BACH2: variants seen among roughly 807,000 people sequenced by gnomAD.
BACH2 encodes the protein BACH transcriptional regulator 2.
A neutral mutation model predicts 61.8 loss-of-function variants in BACH2; 5 were observed. The observed-to-expected ratio is 0.08, with a 90% CI of 0.04 to 0.17. The LOEUF (loss-of-function observed/expected upper bound fraction) is 0.17, where lower values mean the gene tolerates loss of function less well. Among genes scored for constraint, BACH2 ranks in the 10% least tolerant of loss-of-function variants. BACH2 has a pLI of 1.00. For missense variants in BACH2, 824 were observed against 1,091.1 expected (o/e 0.76, Z 3.45); for synonymous variants, 446 against 440.1 (o/e 1.01, Z -0.17).
intron 4 of BACH2, among the ~76,000 whole-genome samples, chr6:90,129,577 C>T (rs765362809): frequency 6.6e-5 from 10 of 152,016 alleles, no homozygotes; most frequent in Non-Finnish European, 8.8e-5. Context: ...TTTCACAATA[C>T]TGATTCTTCC....
chr6:90,030,789 G>A (rs1364731455), intron 5 of BACH2, among the ~76,000 whole-genome samples: 3 of 151,894 alleles, frequency 2.0e-5, no homozygotes, highest in African/African-American at 7.3e-5. Flanking sequence ...GGAGGGGCTG[G>A]TACCATTCCT....
At chr6:89,943,621 T>C (rs769251335) in intron 7 of BACH2, among the ~76,000 whole-genome samples, 39 of 152,314 alleles carry the variant, frequency 2.6e-4, no homozygotes, top group Middle Eastern at 3.4e-3. Context: ...TGTATCTATC[T>C]CACCCAACAA....
chr6:89,986,044 A>G (rs1386108618), intron 6 of BACH2, among the ~76,000 whole-genome samples: 1 of 152,198 alleles, frequency 6.6e-6, no homozygotes, highest in East Asian at 1.9e-4. Context: ...TAAGCCTTGC[A>G]TCTGAGAAAG....
At chr6:90,061,719 G>A (rs1475503211) in intron 5 of BACH2, among the ~76,000 whole-genome samples, 2 of 152,146 alleles carry the variant, frequency 1.3e-5, no homozygotes, top group African/African-American at 2.4e-5. Flanking sequence ...AAAAATCCAC[G>A]AGAGGAGCTG....
At chr6:90,001,281 G>T (rs1200917264) in intron 6 of BACH2, 1 of 152,260 alleles carries the variant, frequency 6.6e-6, no homozygotes, top group African/African-American at 2.4e-5. Flanking sequence ...TTGAGAGATT[G>T]TTTGGAGCTT....
intron 6 of BACH2, among the ~76,000 whole-genome samples, chr6:89,982,224 A>C (rs1015373435): frequency 6.6e-6 from 1 of 152,192 alleles, no homozygotes; most frequent in Non-Finnish European, 1.5e-5. Flanking sequence ...AGAGTCTAAA[A>C]CAGTGGGCCT....
intron 4 of BACH2, among the ~76,000 whole-genome samples, chr6:90,143,149 T>C (rs1784516392): frequency 6.6e-6 from 1 of 152,214 alleles, no homozygotes; most frequent in East Asian, 1.9e-4. Flanking sequence ...GGGATAGGTC[T>C]GCTTTATGTG....
chr6:90,243,048 T>A (rs1317481213), intron 3 of BACH2, among the ~76,000 whole-genome samples: 2 of 131,274 alleles, frequency 1.5e-5, no homozygotes, highest in East Asian at 4.1e-4. Flanking sequence ...CCCGGCTAAT[T>A]TTTTTTTTTT....
At chr6:90,095,836 G>T (rs1439963199) in intron 4 of BACH2, among the ~76,000 whole-genome samples, 2 of 151,998 alleles carry the variant, frequency 1.3e-5, no homozygotes, top group African/African-American at 4.8e-5. Context: ...ATATCTATTT[G>T]CTAGGAACTG....
intron 2 of BACH2, among the ~76,000 whole-genome samples, chr6:90,255,489 T>C (rs188785426): frequency 3.8e-4 from 58 of 152,030 alleles, no homozygotes; most frequent in Non-Finnish European, 7.1e-4. Context: ...CTGTGGTAAA[T>C]GGGGAGAATG....
intron 4 of BACH2, among the ~76,000 whole-genome samples, chr6:90,160,457 A>G (rs1341629166): frequency 6.6e-6 from 1 of 152,256 alleles, no homozygotes; most frequent in African/African-American, 2.4e-5. Context: ...GCACACAGTT[A>G]TCACTATGGA....
At chr6:90,156,054 G>A (rs1292833098) in intron 4 of BACH2, among the ~76,000 whole-genome samples, 2 of 152,158 alleles carry the variant, frequency 1.3e-5, no homozygotes, top group African/African-American at 4.8e-5. Flanking sequence ...TAGTGAGGGA[G>A]TTCCGCTATC....
intron 4 of BACH2, among the ~76,000 whole-genome samples, chr6:90,173,483 T>A (rs755479405): frequency 2.0e-5 from 3 of 152,068 alleles, no homozygotes; most frequent in African/African-American, 7.2e-5. Context: ...GAAATTATAC[T>A]GAAAAAATAT....
chr6:90,231,322 T>C (rs1324421560), intron 3 of BACH2, among the ~76,000 whole-genome samples: 1 of 152,214 alleles, frequency 6.6e-6, no homozygotes, highest in Non-Finnish European at 1.5e-5. Flanking sequence ...TCTCAGACTA[T>C]TCCATCTGAG....
intron 5 of BACH2, among the ~76,000 whole-genome samples, chr6:90,045,394 G>A (rs1269385556): frequency 2.0e-5 from 3 of 152,182 alleles, no homozygotes; most frequent in Non-Finnish European, 4.4e-5. Context: ...ACCCATGAGA[G>A]TGAGTCCTTC....
intron 7 of BACH2, among the ~76,000 whole-genome samples, chr6:89,943,710 G>GA (rs1366412236): frequency 3.9e-5 from 6 of 152,180 alleles, no homozygotes; most frequent in Non-Finnish European, 8.8e-5. Flanking sequence ...AAATTTTGCA[G>GA]AAAAAGCCAG....
At chr6:90,219,785 T>TACACAC (rs5878121) in intron 3 of BACH2, among the ~76,000 whole-genome samples, 1 of 148,614 alleles carries the variant, frequency 6.7e-6, no homozygotes, top group African/African-American at 2.5e-5. Context: ...TTAAAACACA[T>TACACAC]ACACACACAC....
chr6:89,939,635 G>A (rs1174585725), intron 7 of BACH2, among the ~76,000 whole-genome samples: 2 of 133,192 alleles, frequency 1.5e-5, no homozygotes, highest in East Asian at 4.2e-4. Flanking sequence ...TTACTATGTT[G>A]TTAAATGATT....
intron 6 of BACH2, among the ~76,000 whole-genome samples, chr6:89,985,444 T>C (rs1173504599): frequency 1.3e-5 from 2 of 151,744 alleles, no homozygotes; most frequent in African/African-American, 4.8e-5. Context: ...TGTGGGGAGG[T>C]GGCAGCAGTC....
Sources: allele counts gnomAD v4.1 joint callset (sites outside exome capture counted in the v4.1 genomes callset), GRCh38; gene constraint gnomAD v4.1.1; transcripts MANE v1.5; gene names NCBI Gene and HGNC (gene_info 2026-07-23, HGNC 2026-07-21).